PRH1: variants seen among roughly 807,000 people sequenced by gnomAD.
PRH1 encodes salivary acidic proline-rich phosphoprotein 1/2.
Under a neutral mutation model 7.9 loss-of-function variants are expected in PRH1, and 7 were observed. The observed-to-expected ratio is 0.89, with a 90% CI of 0.50 to 1.67. The LOEUF (loss-of-function observed/expected upper bound fraction) is 1.67. PRH1 is among the 40% of genes most tolerant of loss of function. The pLI is 0.00. For missense variants in PRH1, 109 were observed against 223.6 expected (o/e 0.49, Z 3.27); for synonymous variants, 45 against 80.8 (o/e 0.56, Z 2.38).
chr12:11,122,091 C>CAT (rs1011172269), intron 1 of PRH1, among the ~76,000 whole-genome samples: 1 of 151,996 alleles, frequency 6.6e-6, no homozygotes, highest in Non-Finnish European at 1.5e-5. Flanking sequence ...CATATACACA[C>CAT]ATATATATAT....
At chr12:11,025,255 G>A (rs1941850423) in intron 1 of PRH1, among the ~76,000 whole-genome samples, 1 of 151,908 alleles carries the variant, frequency 6.6e-6, no homozygotes, top group Non-Finnish European at 1.5e-5. Flanking sequence ...AATTTGTAAT[G>A]CTCCTTGCGT....
intron 1 of PRH1, among the ~76,000 whole-genome samples, chr12:11,063,592 A>G (rs1943698217): frequency 6.6e-6 from 1 of 152,132 alleles, no homozygotes. Flanking sequence ...TAAACATCTA[A>G]TGTAGTTTGG....
intron 2 of PRH1, among the ~76,000 whole-genome samples, chr12:10,943,532 T>C (rs192218730): frequency 7.9e-4 from 121 of 152,316 alleles, no homozygotes; most frequent in Non-Finnish European, 1.4e-3. Flanking sequence ...GTCGATTTAC[T>C]CTGTTGATAT....
chr12:10,905,475 G>A (rs1001252614), intron 2 of PRH1, among the ~76,000 whole-genome samples: 1 of 152,014 alleles, frequency 6.6e-6, no homozygotes, highest in African/African-American at 2.4e-5. Flanking sequence ...AGACCAGCCT[G>A]GCCAACATGG....
chr12:11,107,114 C>T (rs1172721606), intron 1 of PRH1, among the ~76,000 whole-genome samples: 2 of 152,138 alleles, frequency 1.3e-5, no homozygotes, highest in African/African-American at 2.4e-5. Flanking sequence ...TGTCCTCCCA[C>T]CTCAGCTTCT....
intron 2 of PRH1, among the ~76,000 whole-genome samples, chr12:10,919,298 T>C (rs1950014216): frequency 6.6e-6 from 1 of 152,220 alleles, no homozygotes; most frequent in Admixed American, 6.5e-5. Context: ...TATAATTTTT[T>C]TGTTGCACTG....
intron 2 of PRH1, among the ~76,000 whole-genome samples, chr12:10,905,348 G>A (rs933134897): frequency 6.6e-6 from 1 of 151,924 alleles, no homozygotes; most frequent in Non-Finnish European, 1.5e-5. Context: ...GCAAAGGCAT[G>A]GGAATCAACC....
chr12:11,125,252 T>C (rs1946074735), intron 1 of PRH1, among the ~76,000 whole-genome samples: 1 of 152,300 alleles, frequency 6.6e-6, no homozygotes, highest in South Asian at 2.1e-4. Context: ...TGCTATTTTT[T>C]TTCTTTTACC....
intron 1 of PRH1, among the ~76,000 whole-genome samples, chr12:11,093,103 C>T (rs1944980361): frequency 8.6e-6 from 1 of 116,088 alleles, no homozygotes; most frequent in Non-Finnish European, 2.0e-5. Flanking sequence ...TGTAAACTCT[C>T]CATCATTTAT....
chr12:10,967,063 G>C (rs759649875), intron 2 of PRH1, among the ~76,000 whole-genome samples: 5 of 149,922 alleles, frequency 3.3e-5, no homozygotes, highest in East Asian at 2.0e-4. Context: ...TGCAGTGAGC[G>C]GAGATGGCGC....
intron 2 of PRH1, among the ~76,000 whole-genome samples, chr12:10,947,407 C>T (rs1037244737): frequency 6.6e-6 from 1 of 151,760 alleles, no homozygotes; most frequent in South Asian, 2.1e-4. Flanking sequence ...TTTTAAAAAA[C>T]TTTCATTTGT....
chr12:10,997,246 C>G (rs751837600), intron 1 of PRH1: 1 of 1,613,930 alleles, frequency 6.2e-7, no homozygotes, highest in Non-Finnish European at 8.5e-7. Flanking sequence ...TGCCATGGAG[C>G]TGCATCTTCT....
intron 1 of PRH1, among the ~76,000 whole-genome samples, chr12:11,155,457 T>A (rs1947223287): frequency 6.6e-6 from 1 of 152,186 alleles, no homozygotes; most frequent in Non-Finnish European, 1.5e-5. Context: ...AAAACTAGAA[T>A]TTTATGTGAC....
chr12:11,160,391 C>A (rs1052081112), intron 1 of PRH1, among the ~76,000 whole-genome samples: 7 of 152,136 alleles, frequency 4.6e-5, no homozygotes, highest in African/African-American at 1.4e-4. Context: ...GAGGAAGATA[C>A]AAATGCTTCA....
intron 2 of PRH1, among the ~76,000 whole-genome samples, chr12:10,920,610 A>C (rs1479971628): frequency 6.6e-6 from 1 of 152,078 alleles, no homozygotes; most frequent in African/African-American, 2.4e-5. Context: ...TTGATATTGT[A>C]CTCAGCAAGC....
intron 1 of PRH1, among the ~76,000 whole-genome samples, chr12:11,138,809 CA>C (rs11334831): frequency 0.45 from 69,030 of 151,830 alleles, 16,477 homozygotes; most frequent in Non-Finnish European, 0.52. Context: ...GAGGCTGAGG[CA>C]GGTGGATTGC....
At chr12:11,147,499 T>A (rs1233695435) in intron 1 of PRH1, among the ~76,000 whole-genome samples, 1 of 152,228 alleles carries the variant, frequency 6.6e-6, no homozygotes, top group Non-Finnish European at 1.5e-5. Context: ...AAGAATTTTT[T>A]AAATTTACAT....
At chr12:11,143,938 G>C (rs1946788812) in intron 1 of PRH1, among the ~76,000 whole-genome samples, 1 of 152,200 alleles carries the variant, frequency 6.6e-6, no homozygotes, top group South Asian at 2.1e-4. Context: ...CCTGTGATGT[G>C]AACAATTTAT....
chr12:11,148,412 T>C (rs1451011953), intron 1 of PRH1, among the ~76,000 whole-genome samples: 5 of 146,928 alleles, frequency 3.4e-5, no homozygotes, highest in African/African-American at 1.2e-4. Flanking sequence ...CAGTATGATA[T>C]TGGCTGTGGG....
Sources: gnomAD v4.1 joint callset for allele counts (sites outside exome capture counted in the v4.1 genomes callset) on GRCh38, gnomAD v4.1.1 for gene constraint, MANE v1.5 for transcripts, NCBI Gene and HGNC (gene_info 2026-07-23, HGNC 2026-07-21) for gene names.